The following FNIP1 variants were observed in gnomAD, a reference collection of about 807,000 sequenced individuals.
FNIP1 encodes folliculin interacting protein 1.
A neutral mutation model predicts 124.5 loss-of-function variants in FNIP1; 40 were observed. The observed-to-expected ratio is 0.32, with a 90% confidence interval of 0.25 to 0.42. FNIP1 has a LOEUF of 0.42. Ranked by LOEUF, FNIP1 falls within the 10% of genes least tolerant of loss-of-function variation. FNIP1 has a pLI of 1.00. For synonymous variants in FNIP1, 472 were observed against 470.6 expected (o/e 1.00, Z -0.04); for missense variants, 1,176 against 1,403.7 (o/e 0.84, Z 2.59).
chr5:131,697,904 G>C lies in FNIP1; in HGVS notation c.1202+1013C>G, dbSNP rs530873053. ...GAATTGCTTGAACCCAGGAGGCAGAGGTTGCAGTGAGGCAAGATCACGCCA... is the reference window on the plus strand; with the variant it reads ...GAATTGCTTGAACCCAGGAGGCAGACGTTGCAGTGAGGCAAGATCACGCCA... On this transcript the variant is annotated intron_variant, in intron 11 of 17. Coordinates refer to ENST00000510461, the MANE Select transcript of FNIP1 (RefSeq NM_133372.3). 6.0e-5 allele frequency among the ~76,000 whole-genome samples: 9 copies of C among 149,920 alleles called. No homozygotes were observed. In the East Asian group the frequency reaches 1.6e-3, roughly 26 times the overall value.
intron 12 of FNIP1, 49 bp from the exon 13 acceptor site, chr5:131,677,921 C>A: frequency 6.4e-7 from 1 of 1,568,606 alleles, no homozygotes; most frequent in Non-Finnish European, 8.7e-7. Context: ...TTCATGAAAC[C>A]TTAGGTAAAA....
chr5:131,715,063 G>A (rs1769420277), intron 6 of FNIP1, among the ~76,000 whole-genome samples: 1 of 152,180 alleles, frequency 6.6e-6, no homozygotes, highest in African/African-American at 2.4e-5. Flanking sequence ...AGTAAATGTT[G>A]CTCATTATTT....
At chr5:131,731,907 T>C (rs1384245242) in intron 2 of FNIP1, among the ~76,000 whole-genome samples, 5 of 152,188 alleles carry the variant, frequency 3.3e-5, no homozygotes, top group Admixed American at 6.5e-5. Context: ...GAAATGCAAA[T>C]GAGACTTTCA....
intron 11 of FNIP1, among the ~76,000 whole-genome samples, chr5:131,688,405 C>T (rs1422978126): frequency 1.3e-5 from 2 of 151,630 alleles, no homozygotes; most frequent in Non-Finnish European, 2.9e-5. Flanking sequence ...AAACTTCATA[C>T]TAAAATCTTA....
chr5:131,763,638 C>T (rs1771316157), intron 1 of FNIP1, among the ~76,000 whole-genome samples: 1 of 152,038 alleles, frequency 6.6e-6, no homozygotes, highest in African/African-American at 2.4e-5. Context: ...GATCTAATCA[C>T]CTCCCACCAA....
intron 7 of FNIP1, among the ~76,000 whole-genome samples, chr5:131,709,779 T>A (rs915089361): frequency 6.6e-6 from 1 of 152,178 alleles, no homozygotes; most frequent in African/African-American, 2.4e-5. Flanking sequence ...GGCTAATATA[T>A]ATTTTTGCCT....
chr5:131,724,955 G>A (rs1769810101), intron 3 of FNIP1, among the ~76,000 whole-genome samples: 1 of 152,114 alleles, frequency 6.6e-6, no homozygotes, highest in Admixed American at 6.6e-5. Context: ...TATTAAATAG[G>A]GAATCCTTTC....
intron 1 of FNIP1, among the ~76,000 whole-genome samples, chr5:131,793,102 C>T (rs1251108497): frequency 1.3e-5 from 2 of 152,280 alleles, no homozygotes; most frequent in East Asian, 3.9e-4. Flanking sequence ...GCAATCATGG[C>T]TCATCACTGC....
intron 10 of FNIP1, among the ~76,000 whole-genome samples, chr5:131,699,846 T>A (rs1012700638): frequency 7.3e-6 from 1 of 136,300 alleles, no homozygotes. Context: ...AACCCAGAAG[T>A]CTGAAGTTGC....
In FNIP1 at chr5:131,647,073, A is replaced by T; in HGVS notation, c.3422+17T>A. Reference sequence around the variant, plus strand: ...AGGGCAATGAAAGCAAAGCCAAAAAAGAAACCATTAACATACCCCAGAACC... The same window carrying T: ...AGGGCAATGAAAGCAAAGCCAAAAATGAAACCATTAACATACCCCAGAACC... On this transcript the variant is annotated intron_variant, in intron 17 of 17. Transcript: ENST00000510461. 6.2e-7 allele frequency: 1 copy of T among 1,610,350 alleles called. No homozygotes were observed. Among genetic ancestry groups the T allele is most frequent in the Non-Finnish European group, 8.5e-7 (1 of 1,177,004 alleles).
At chr5:131,730,451 T>G (rs185408223) in intron 3 of FNIP1, among the ~76,000 whole-genome samples, 10 of 152,324 alleles carry the variant, frequency 6.6e-5, no homozygotes, top group African/African-American at 2.4e-4. Flanking sequence ...ATGTAATACA[T>G]TTAGAGAGAA....
chr5:131,716,169 T>G (rs931675466), intron 6 of FNIP1, among the ~76,000 whole-genome samples: 1 of 152,232 alleles, frequency 6.6e-6, no homozygotes, highest in African/African-American at 2.4e-5. Flanking sequence ...CAAGCATCAT[T>G]TTAAAATAAC....
chr5:131,763,331 A>G (rs1771300646), intron 1 of FNIP1, among the ~76,000 whole-genome samples: 1 of 150,720 alleles, frequency 6.6e-6, no homozygotes, highest in Non-Finnish European at 1.5e-5. Context: ...ACACACGACT[A>G]CAATGGCCAG....
intron 8 of FNIP1, among the ~76,000 whole-genome samples, chr5:131,708,789 G>GAAA (rs763838718): frequency 3.6e-5 from 5 of 137,938 alleles, no homozygotes; most frequent in African/African-American, 1.1e-4. Context: ...TCCATATTTG[G>GAAA]AAAAAAAAAA....
At chr5:131,684,149 A>G (rs1441105084) in intron 11 of FNIP1, among the ~76,000 whole-genome samples, 1 of 152,240 alleles carries the variant, frequency 6.6e-6, no homozygotes, top group Non-Finnish European at 1.5e-5. Flanking sequence ...AATGCAAAAA[A>G]ATTGGCACTA....
chr5:131,664,827 A>T (rs1767547164), intron 15 of FNIP1, among the ~76,000 whole-genome samples: 2 of 151,060 alleles, frequency 1.3e-5, no homozygotes. Flanking sequence ...TAAAGAGTAT[A>T]AAAATATGGG....
chr5:131,738,504 C>T (rs72791146), intron 2 of FNIP1, among the ~76,000 whole-genome samples: 1 of 151,480 alleles, frequency 6.6e-6, no homozygotes, highest in Non-Finnish European at 1.5e-5. Context: ...CTAGAAATAT[C>T]TTTGCTTGAG....
chr5:131,720,417 G>C (rs986972402), intron 3 of FNIP1, among the ~76,000 whole-genome samples: 1 of 152,190 alleles, frequency 6.6e-6, no homozygotes, highest in African/African-American at 2.4e-5. Context: ...AGAAAAGCTT[G>C]ATGACATTGG....
At chr5:131,659,653 G>A (rs894679378) in intron 15 of FNIP1, among the ~76,000 whole-genome samples, 2 of 152,206 alleles carry the variant, frequency 1.3e-5, no homozygotes, top group African/African-American at 4.8e-5. Context: ...CTCCATCGCT[G>A]GAGTCCATCA....
Sources: gnomAD v4.1 joint callset for allele counts (sites outside exome capture counted in the v4.1 genomes callset) on GRCh38, gnomAD v4.1.1 for gene constraint, MANE v1.5 for transcripts, NCBI Gene and HGNC (gene_info 2026-07-23, HGNC 2026-07-21) for gene names.